Variants in COL19A1 observed in about 807,000 individuals in gnomAD.
COL19A1 encodes collagen type XIX alpha 1 chain, also known as collagen alpha-1(XIX) chain.
COL19A1 carries 159 observed loss-of-function variants against 190.2 expected under a neutral mutation model. The ratio of observed to expected loss-of-function variants is 0.84; its 90% CI spans 0.73 to 0.95. The LOEUF is 0.95. COL19A1 is among the 40% of genes least tolerant of loss of function. COL19A1 has a pLI of 0.00. For synonymous variants in COL19A1, 509 were observed against 458.9 expected, an observed-to-expected ratio of 1.11 and a Z score of -1.39; for missense variants, 1,418 against 1,431.9, an observed-to-expected ratio of 0.99 and a Z score of 0.16.
chr6:70,007,740 A>T (rs1248829280), intron 11 of COL19A1, among the ~76,000 whole-genome samples: 2 of 152,044 alleles, frequency 1.3e-5, no homozygotes, highest in Non-Finnish European at 2.9e-5. Flanking sequence ...ACTGACATTC[A>T]TAAAACACTC....
At chr6:69,988,905 A>T (rs1776450288) in intron 11 of COL19A1, among the ~76,000 whole-genome samples, 4 of 151,952 alleles carry the variant, frequency 2.6e-5, no homozygotes, top group Admixed American at 2.6e-4. Flanking sequence ...CTTTCCTTTC[A>T]CATCTGCTTT....
intron 14 of COL19A1, among the ~76,000 whole-genome samples, chr6:70,047,691 G>A (rs564903937): frequency 3.0e-4 from 46 of 152,178 alleles, no homozygotes; most frequent in Middle Eastern, 3.4e-3. Flanking sequence ...AATTGTGTAT[G>A]TTCTATAACC....
At chr6:70,016,394 AAAAAAAAACAAAAC>A (rs1778102898) in intron 11 of COL19A1, among the ~76,000 whole-genome samples, 2 of 122,638 alleles carry the variant, frequency 1.6e-5, no homozygotes, top group African/African-American at 7.4e-5. Context: ...ACACATGAAA[AAAAAAAAACAAAAC>A]AAAACAAAGC....
At position 70,102,064 on chromosome 6, in the gene COL19A1, C is replaced by T. The variant is rs895057286; in HGVS notation, c.1225-105C>T. On this transcript the variant is annotated intron_variant, in intron 15 of 50. Transcript: ENST00000620364. ...ATGTGGAATTGGAATTGTTTCTTAA[C>T]TTTCTGTTCATTTTTACTGTCTTCA... 4.1e-6 allele frequency: 4 copies of T among 976,822 alleles called. No individual in the cohort carries two copies. In the African/African-American group the frequency reaches 4.9e-5, roughly 12 times the overall value. The allele number at this position is 976,822 out of a possible 1,614,324, so 60.5% of individuals were successfully genotyped here.
intron 11 of COL19A1, among the ~76,000 whole-genome samples, chr6:70,021,557 T>G (rs755177031): frequency 1.3e-5 from 2 of 152,206 alleles, no homozygotes; most frequent in Non-Finnish European, 1.5e-5. Flanking sequence ...GTATTAACAC[T>G]TTATTGTTTC....
chr6:70,139,997 A>T (rs1007896453), intron 19 of COL19A1, among the ~76,000 whole-genome samples: 1 of 151,936 alleles, frequency 6.6e-6, no homozygotes, highest in Admixed American at 6.6e-5. Context: ...GCTGTAAATA[A>T]GCAATGACAT....
At chr6:69,871,169 G>A (rs370786788) in intron 1 of COL19A1, among the ~76,000 whole-genome samples, 2 of 152,138 alleles carry the variant, frequency 1.3e-5, no homozygotes, top group African/African-American at 4.8e-5. Context: ...CTGATTATTG[G>A]CTTGAATTTT....
intron 1 of COL19A1, among the ~76,000 whole-genome samples, chr6:69,867,120 A>G (rs1767501976): frequency 6.9e-6 from 1 of 145,386 alleles, no homozygotes; most frequent in South Asian, 2.2e-4. Context: ...TGACGGTGTT[A>G]GCCCTGGAAG....
intron 11 of COL19A1, among the ~76,000 whole-genome samples, chr6:69,983,023 T>TAAAAAA (rs1562058752): frequency 7.3e-6 from 1 of 136,440 alleles, no homozygotes; most frequent in African/African-American, 2.7e-5. Context: ...TAAATAAATA[T>TAAAAAA]AAAATAAAAT....
In COL19A1 at chr6:70,005,748, A is replaced by G. The variant is rs1040021654; in HGVS notation, c.1027-17879A>G. Among the ~76,000 whole-genome samples, 9 of 152,098 alleles carry G rather than the reference A, an allele frequency of 5.9e-5. No homozygotes were observed. The South Asian group carries it at 8.3e-4, about 14-fold the overall frequency. The stretch of plus-strand genomic sequence containing the variant: ...TGGGCTGCCCAGATTCCTCAGAACT[A>G]CCAGGAGGAATGGTTAAGTCTGCTG... On this transcript the variant is annotated intron_variant, in intron 11 of 50. Transcript: ENST00000620364.
chr6:70,108,588 A>C (rs112177174), intron 16 of COL19A1, among the ~76,000 whole-genome samples: 86 of 152,160 alleles, frequency 5.7e-4, no homozygotes, highest in Non-Finnish European at 1.1e-3. Context: ...TGTTACATTT[A>C]TGCTTACCTT....
intron 15 of COL19A1, among the ~76,000 whole-genome samples, chr6:70,092,391 C>G (rs1470534332): frequency 2.6e-5 from 4 of 152,216 alleles, no homozygotes; most frequent in Non-Finnish European, 5.9e-5. Flanking sequence ...ATTGTCCCTT[C>G]TCTTCCACCA....
chr6:70,182,944 G>T (rs1766270352), intron 44 of COL19A1, among the ~76,000 whole-genome samples: 1 of 152,122 alleles, frequency 6.6e-6, no homozygotes, highest in South Asian at 2.1e-4. Context: ...GCCAAAGTTG[G>T]GGTGCAAATC....
intron 9 of COL19A1, among the ~76,000 whole-genome samples, chr6:69,956,291 A>T (rs1452106058): frequency 2.0e-5 from 3 of 152,044 alleles, no homozygotes; most frequent in African/African-American, 7.2e-5. Context: ...TATCCTGAGC[A>T]TTAATGTGAT....
chr6:69,935,307 G>A (rs1582453228), intron 7 of COL19A1, among the ~76,000 whole-genome samples: 1 of 151,704 alleles, frequency 6.6e-6, no homozygotes, highest in South Asian at 2.1e-4. Context: ...ACTTTTTGTG[G>A]AGTGTGGACA....
At chr6:70,162,893 G>C (rs567763164) in intron 35 of COL19A1, among the ~76,000 whole-genome samples, 18 of 152,296 alleles carry the variant, frequency 1.2e-4, no homozygotes, top group South Asian at 2.1e-4. Context: ...AGCTAACTCT[G>C]TTCCCAAAGG....
chr6:69,999,692 T>A (rs976321221), intron 11 of COL19A1, among the ~76,000 whole-genome samples: 1 of 152,136 alleles, frequency 6.6e-6, no homozygotes, highest in Non-Finnish European at 1.5e-5. Flanking sequence ...TTCTACATCG[T>A]CATCAACAAC....
At chr6:69,912,966 T>C (rs1771056974) in intron 4 of COL19A1, among the ~76,000 whole-genome samples, 1 of 152,098 alleles carries the variant, frequency 6.6e-6, no homozygotes, top group East Asian at 1.9e-4. Flanking sequence ...TGTATGCCTG[T>C]AGTCATAGCT....
chr6:69,955,743 A>G (rs1443081993), intron 9 of COL19A1, among the ~76,000 whole-genome samples: 2 of 152,038 alleles, frequency 1.3e-5, no homozygotes, highest in Non-Finnish European at 1.5e-5. Flanking sequence ...CATTTGAAAA[A>G]TGAGTGGTTT....
Sources: allele counts gnomAD v4.1 joint callset (sites outside exome capture counted in the v4.1 genomes callset), GRCh38; gene constraint gnomAD v4.1.1; transcripts MANE v1.5; gene names NCBI Gene and HGNC (gene_info 2026-07-23, HGNC 2026-07-21).